SHISA6: variants seen among roughly 807,000 people sequenced by gnomAD.
SHISA6 encodes protein shisa-6.
SHISA6 carries 22 observed loss-of-function variants against 47.9 expected under a neutral mutation model. The ratio of observed to expected loss-of-function variants is 0.46; its 90% CI spans 0.33 to 0.66. The LOEUF is 0.66. Ranked by LOEUF, SHISA6 falls within the 30% of genes least tolerant of loss-of-function variation. SHISA6 has a pLI of 0.02. For missense variants in SHISA6, 680 were observed against 764.6 expected, an observed-to-expected ratio of 0.89 and a Z score of 1.30; for synonymous variants, 388 against 337.8, an observed-to-expected ratio of 1.15 and a Z score of -1.63.
At chr17:11,321,871 A>AT (rs1006545695) in intron 2 of SHISA6, among the ~76,000 whole-genome samples, 9 of 151,328 alleles carry the variant, frequency 5.9e-5, no homozygotes, top group South Asian at 4.2e-4. Flanking sequence ...GTTTTTTGTA[A>AT]TTTTTTTTTC....
At chr17:11,329,301 TG>T (rs1411250653) in intron 2 of SHISA6, among the ~76,000 whole-genome samples, 9 of 152,176 alleles carry the variant, frequency 5.9e-5, no homozygotes, top group African/African-American at 2.2e-4. Flanking sequence ...ATCAGGATCT[TG>T]GAGAAATTTT....
intron 4 of SHISA6, 131 bp downstream of exon 4, chr17:11,552,083 C>A: frequency 1.1e-6 from 1 of 903,972 alleles, no homozygotes; most frequent in Non-Finnish European, 1.7e-6. Flanking sequence ...CAAGGAGCCA[C>A]AGGCTCGCCC....
chr17:11,263,510 G>A lies in SHISA6; in HGVS notation c.783G>A (p.Thr261=), dbSNP rs1470881219. 3.9e-6 allele frequency: 6 copies of A among 1,551,542 alleles called. No individual in the cohort carries two copies. Among genetic ancestry groups the A allele is most frequent in the East Asian group, 4.9e-5 (2 of 40,916 alleles). Residue 261 remains threonine (T), a synonymous_variant, in exon 2 of 6, where the codon ACG becomes ACA. Coordinates refer to ENST00000441885, the MANE Select transcript of SHISA6 (RefSeq NM_207386.4). ...AAAACCACTACACTCCTGTGCGTAC[G>A]GCCAAGCAGACTCCAGGTAAGTAAC... ...SSKNHYTPVR[T]AKQTPGHYGK...
At chr17:11,477,011 T>C (rs1916067375) in intron 3 of SHISA6, among the ~76,000 whole-genome samples, 1 of 152,230 alleles carries the variant, frequency 6.6e-6, no homozygotes, top group South Asian at 2.1e-4. Flanking sequence ...TTTTATGTAA[T>C]ACCTGTTCTT....
At chr17:11,427,412 C>T (rs773724357) in intron 3 of SHISA6, among the ~76,000 whole-genome samples, 9 of 152,102 alleles carry the variant, frequency 5.9e-5, no homozygotes, top group East Asian at 1.9e-4. Context: ...GGATTACAGG[C>T]GTGAGCCACC....
At chr17:11,242,492 A>G (rs1907406906) in intron 1 of SHISA6, among the ~76,000 whole-genome samples, 2 of 152,222 alleles carry the variant, frequency 1.3e-5, no homozygotes, top group East Asian at 3.9e-4. Context: ...TGAAAGCGGT[A>G]CCAAGTGGCT....
intron 2 of SHISA6, among the ~76,000 whole-genome samples, chr17:11,365,282 T>C (rs1912411347): frequency 6.6e-6 from 1 of 152,080 alleles, no homozygotes; most frequent in Non-Finnish European, 1.5e-5. Context: ...AAATTATTAT[T>C]ATTATTATTA....
intron 3 of SHISA6, among the ~76,000 whole-genome samples, chr17:11,395,959 C>A (rs1913557485): frequency 6.6e-6 from 1 of 152,172 alleles, no homozygotes; most frequent in African/African-American, 2.4e-5. Flanking sequence ...CAGAGCGTTT[C>A]CATTAAGATC....
intron 3 of SHISA6, among the ~76,000 whole-genome samples, chr17:11,525,876 G>T (rs957851570): frequency 6.6e-6 from 1 of 151,960 alleles, no homozygotes; most frequent in Admixed American, 6.6e-5. Flanking sequence ...GGGCATGGTG[G>T]TGCACACCTG....
intron 3 of SHISA6, among the ~76,000 whole-genome samples, chr17:11,514,001 T>G (rs548906859): frequency 6.6e-6 from 1 of 151,556 alleles, no homozygotes; most frequent in South Asian, 2.1e-4. Flanking sequence ...ATGAGGGGAG[T>G]AGGTGATAGG....
chr17:11,372,698 CAT>C (rs1430878557), intron 2 of SHISA6, among the ~76,000 whole-genome samples: 26 of 151,864 alleles, frequency 1.7e-4, no homozygotes, highest in Admixed American at 1.7e-3. Flanking sequence ...GCCTTTATCT[CAT>C]GTATTGAAAG....
At chr17:11,448,203 C>T (rs561137271) in intron 3 of SHISA6, among the ~76,000 whole-genome samples, 2 of 150,690 alleles carry the variant, frequency 1.3e-5, no homozygotes, top group African/African-American at 4.9e-5. Flanking sequence ...ATTTAGTTCT[C>T]ACAAGTGCTC....
At chr17:11,360,549 G>C (rs1306882138) in intron 2 of SHISA6, among the ~76,000 whole-genome samples, 1 of 148,832 alleles carries the variant, frequency 6.7e-6, no homozygotes, top group Non-Finnish European at 1.5e-5. Context: ...GACAGAGCAA[G>C]ACTCTGTCTC....
At chr17:11,388,139 T>C (rs1913254552) in intron 3 of SHISA6, among the ~76,000 whole-genome samples, 1 of 152,166 alleles carries the variant, frequency 6.6e-6, no homozygotes, top group South Asian at 2.1e-4. Flanking sequence ...AATAGAACCC[T>C]GCCTAGATAT....
chr17:11,554,267 T>C (rs942929979), intron 4 of SHISA6, among the ~76,000 whole-genome samples: 2 of 152,120 alleles, frequency 1.3e-5, no homozygotes, highest in African/African-American at 4.8e-5. Flanking sequence ...GGAGGCTCTT[T>C]CTGTACAGCA....
At chr17:11,285,395 C>G (rs1239692648) in intron 2 of SHISA6, among the ~76,000 whole-genome samples, 1 of 152,098 alleles carries the variant, frequency 6.6e-6, no homozygotes, top group African/African-American at 2.4e-5. Flanking sequence ...GGGACATATC[C>G]CACCACCCCT....
Position 11,385,386 on chromosome 17 carries a change from C to T in SHISA6, c.895+5877C>T, listed in dbSNP as rs567059055. Among the ~76,000 whole-genome samples, 209 of 152,084 alleles carry T rather than the reference C, an allele frequency of 1.4e-3. 1 individual carries two copies. The highest frequency in any genetic ancestry group is 2.1e-3 in the Non-Finnish European group (141 of 67,976). On this transcript the variant is annotated intron_variant, in intron 3 of 5. Coordinates refer to ENST00000441885, the MANE Select transcript of SHISA6 (RefSeq NM_207386.4). ...TGGTCAGAAAGGTGCAGGGAATTGA[C>T]CCCACAGGGCCCTGTGGGGCATTTA...
At chr17:11,397,135 A>G (rs1485503931) in intron 3 of SHISA6, among the ~76,000 whole-genome samples, 3 of 152,068 alleles carry the variant, frequency 2.0e-5, no homozygotes, top group Admixed American at 6.5e-5. Flanking sequence ...GTAGATTTTC[A>G]TATGTTTTTT....
At chr17:11,423,256 A>T (rs1420054947) in intron 3 of SHISA6, among the ~76,000 whole-genome samples, 78 of 128,040 alleles carry the variant, frequency 6.1e-4, no homozygotes, top group African/African-American at 1.7e-3. Flanking sequence ...TATATATATA[A>T]TATATATATA....
Sources: allele counts gnomAD v4.1 joint callset (sites outside exome capture counted in the v4.1 genomes callset), GRCh38; gene constraint gnomAD v4.1.1; transcripts MANE v1.5; gene names NCBI Gene and HGNC (gene_info 2026-07-23, HGNC 2026-07-21).